The following RNF216 variants were observed in gnomAD, a reference collection of about 807,000 sequenced individuals.
RNF216 encodes E3 ubiquitin-protein ligase RNF216.
A neutral mutation model predicts 110.8 loss-of-function variants in RNF216; 72 were observed. The ratio of observed to expected loss-of-function variants is 0.65; its 90% CI spans 0.54 to 0.79. RNF216 has a LOEUF of 0.79. Ranked by LOEUF, RNF216 falls within the 30% of genes least tolerant of loss-of-function variation. The pLI is 0.00. For missense variants in RNF216, 1,342 were observed against 1,141.2 expected (o/e 1.18, Z -2.54); for synonymous variants, 495 against 407.5 (o/e 1.21, Z -2.59).
At chr7:5,671,194 G>C (rs1007890228) in intron 13 of RNF216, among the ~76,000 whole-genome samples, 3 of 152,190 alleles carry the variant, frequency 2.0e-5, no homozygotes, top group African/African-American at 7.2e-5. Flanking sequence ...CCATGTGAAG[G>C]CTGGAAATCC....
At chr7:5,750,513 G>T (rs1222309252) in intron 3 of RNF216, among the ~76,000 whole-genome samples, 2 of 152,198 alleles carry the variant, frequency 1.3e-5, no homozygotes, top group African/African-American at 4.8e-5. Context: ...TATTTAGATT[G>T]CAGCACTGTT....
At chr7:5,633,715 T>C (rs1160710484) in intron 15 of RNF216, among the ~76,000 whole-genome samples, 1 of 152,180 alleles carries the variant, frequency 6.6e-6, no homozygotes, top group Non-Finnish European at 1.5e-5. Flanking sequence ...CAGAAGACTC[T>C]GGCTTGCTGC....
At chr7:5,773,662 G>A (rs370515697) in intron 1 of RNF216, among the ~76,000 whole-genome samples, 15 of 152,188 alleles carry the variant, frequency 9.9e-5, no homozygotes, top group African/African-American at 3.6e-4. Context: ...CCGTCTCCCA[G>A]GTTCAAGCGA....
At chr7:5,634,445 GC>G (rs1315621541) in intron 15 of RNF216, among the ~76,000 whole-genome samples, 2 of 152,274 alleles carry the variant, frequency 1.3e-5, no homozygotes, top group African/African-American at 4.8e-5. Flanking sequence ...GATCGCCTGA[GC>G]AACGGCAGAC....
At chr7:5,715,311 T>C (rs1012448688) in intron 10 of RNF216, 121 bp from the exon 11 acceptor site, 1 of 867,522 alleles carries the variant, frequency 1.2e-6, no homozygotes, top group Non-Finnish European at 1.8e-6. Context: ...CAACCCATTT[T>C]AGGGGCCATA....
At chr7:5,654,713 AG>A (rs1788621403) in intron 13 of RNF216, among the ~76,000 whole-genome samples, 1 of 91,958 alleles carries the variant, frequency 1.1e-5, no homozygotes, top group African/African-American at 4.3e-5. Context: ...AAAAAAAAAA[AG>A]GCTCAATCAA....
intron 14 of RNF216, chr7:5,650,122 A>T (rs1420277664): frequency 1.3e-5 from 2 of 152,196 alleles, no homozygotes; most frequent in East Asian, 3.8e-4. Flanking sequence ...GGTGGTCTGG[A>T]GGTCAGGCAT....
chr7:5,695,402 C>T (rs900260738), intron 13 of RNF216, among the ~76,000 whole-genome samples: 5 of 152,126 alleles, frequency 3.3e-5, no homozygotes, highest in East Asian at 1.9e-4. Context: ...CCGGCAGAAG[C>T]GCCACATCGC....
In RNF216 at chr7:5,761,137, A is replaced by G; in HGVS notation, c.-68T>C. The G allele has an allele frequency of 3.9e-6, 4 of 1,017,110 alleles. No individual in the cohort carries two copies. The highest frequency in any genetic ancestry group is 2.1e-4 in the Middle Eastern group (1 of 4,780). The allele number at this position is 1,017,110 out of a possible 1,614,324, so 63.0% of individuals were successfully genotyped here. ...ACATGGTGACCATCTGTTTCAAAAG[A>G]ACTGAAAAGGAAGCAAAGAGTAACA... On this transcript the variant is annotated splice_region_variant and 5_prime_UTR_variant, in exon 2 of 17. Transcript: ENST00000389902.
In RNF216 at chr7:5,627,702, G is replaced by A. The variant is rs562326883; in HGVS notation, c.2383-3577C>T. 1.5e-4 allele frequency among the ~76,000 whole-genome samples: 23 copies of A among 151,408 alleles called. No individual in the cohort carries two copies. In the South Asian group the frequency reaches 4.0e-3, roughly 26 times the overall value. ...GTGGAGGTTGCAGTGAGCCGAGATC[G>A]CGCCACTGCACTCCAGCCTGGCGAC... On this transcript the variant is annotated intron_variant, in intron 15 of 16. Transcript: ENST00000389902.
At chr7:5,636,227 C>A (rs190727580) in intron 15 of RNF216, among the ~76,000 whole-genome samples, 3 of 152,326 alleles carry the variant, frequency 2.0e-5, no homozygotes, top group Admixed American at 2.0e-4. Context: ...ACTTATGTGT[C>A]AAGAGCTGGC....
intron 4 of RNF216, 63 bp downstream of exon 4, chr7:5,740,910 A>G: frequency 6.7e-7 from 1 of 1,482,538 alleles, no homozygotes; most frequent in South Asian, 1.4e-5. Flanking sequence ...TGCAATGAAA[A>G]AAAAAAAAGA....
intron 2 of RNF216, among the ~76,000 whole-genome samples, chr7:5,753,600 T>C (rs1011394679): frequency 6.6e-6 from 1 of 152,218 alleles, no homozygotes; most frequent in African/African-American, 2.4e-5. Flanking sequence ...TTTTATCAAT[T>C]TGAAAACAGG....
chr7:5,675,711 A>T (rs1319582655), intron 13 of RNF216, among the ~76,000 whole-genome samples: 2 of 132,570 alleles, frequency 1.5e-5, no homozygotes, highest in Admixed American at 1.4e-4. Context: ...CTCTATTCAA[A>T]TTCTTTTTTT....
intron 14 of RNF216, chr7:5,649,752 A>G (rs1788273622): frequency 6.6e-6 from 1 of 152,244 alleles, no homozygotes; most frequent in Non-Finnish European, 1.5e-5. Context: ...GTACAGAAGA[A>G]TGGCTCTTGG....
intron 5 of RNF216, among the ~76,000 whole-genome samples, chr7:5,737,497 G>C (rs563269386): frequency 6.7e-6 from 1 of 148,488 alleles, no homozygotes; most frequent in African/African-American, 2.5e-5. Flanking sequence ...CCCTCTGCGA[G>C]AAACAACCAA....
rs530727428 is a variant in RNF216 at position 5,633,830 on chromosome 7, G to A, written c.2382+7324C>T. 2.0e-5 allele frequency among the ~76,000 whole-genome samples: 3 copies of A among 152,292 alleles called. No individual in the cohort carries two copies. The East Asian group carries it at 5.8e-4, about 29-fold the overall frequency. ...AACGTGCTGCACTTGAAGACGGCAA[G>A]TGAGGTAGAATTTACCAGAGAGGTT... On this transcript the variant is annotated intron_variant, in intron 15 of 16. Transcript: ENST00000389902.
At chr7:5,678,019 C>G (rs962681244) in intron 13 of RNF216, among the ~76,000 whole-genome samples, 15 of 152,088 alleles carry the variant, frequency 9.9e-5, no homozygotes, top group African/African-American at 3.6e-4. Context: ...TCTTGGTATT[C>G]TACCTTCTCC....
At chr7:5,629,611 G>T (rs193015909) in intron 15 of RNF216, among the ~76,000 whole-genome samples, 1,788 of 152,090 alleles carry the variant, frequency 0.012, 32 homozygotes, top group African/African-American at 0.04. Context: ...GGCGGATCAC[G>T]ACGTCAGGAG....
Sources: gnomAD v4.1 joint callset for allele counts (sites outside exome capture counted in the v4.1 genomes callset) on GRCh38, gnomAD v4.1.1 for gene constraint, MANE v1.5 for transcripts, NCBI Gene and HGNC (gene_info 2026-07-23, HGNC 2026-07-21) for gene names.